HPS5: variants seen among roughly 807,000 people sequenced by gnomAD.
HPS5 encodes HPS5 biogenesis of lysosomal organelles complex 2 subunit 2, also known as BLOC-2 complex member HPS5.
Under a neutral mutation model 128.0 loss-of-function variants are expected in HPS5, and 83 were observed. The ratio of observed to expected loss-of-function variants is 0.65; its 90% CI spans 0.54 to 0.78. The LOEUF is 0.78. HPS5 is among the 30% of genes least tolerant of loss of function. HPS5 has a pLI of 0.00. For missense variants in HPS5, 1,281 were observed against 1,326.2 expected, an observed-to-expected ratio of 0.97 and a Z score of 0.53; for synonymous variants, 475 against 470.2, an observed-to-expected ratio of 1.01 and a Z score of -0.13.
At chr11:18,292,272 C>T (rs1042539943) in intron 15 of HPS5, among the ~76,000 whole-genome samples, 1 of 148,168 alleles carries the variant, frequency 6.7e-6, no homozygotes, top group Non-Finnish European at 1.5e-5. Context: ...TGCAATGGCA[C>T]AAACATAGCT....
chr11:18,303,510 A>G (rs1861973710), intron 8 of HPS5, among the ~76,000 whole-genome samples: 2 of 152,234 alleles, frequency 1.3e-5, no homozygotes, highest in African/African-American at 2.4e-5. Context: ...GGTAGGGACT[A>G]TAACAGCAGC....
chr11:18,286,942 A>G (rs1219553802), intron 18 of HPS5: 2 of 605,646 alleles, frequency 3.3e-6, no homozygotes, highest in African/African-American at 1.9e-5. Context: ...GAGAGAGAGA[A>G]AGAAAGAGAC....
At chr11:18,311,052 A>C in intron 4 of HPS5, 119 bp from the exon 5 acceptor site, 1 of 784,376 alleles carries the variant, frequency 1.3e-6, no homozygotes, top group African/African-American at 1.7e-5. Context: ...GAAAAGAGGA[A>C]GTATTATAAA....
chr11:18,302,792 C>A, intron 8 of HPS5, among the ~76,000 whole-genome samples: 1 of 116,746 alleles, frequency 8.6e-6, no homozygotes, highest in Non-Finnish European at 1.6e-5. Context: ...ATTGAGAAGG[C>A]TGCCTTCAAG....
chr11:18,296,049 T>C lies in HPS5; in HGVS notation c.1584A>G (p.Leu528=). Residue 528 remains leucine (L), a synonymous_variant, in exon 13 of 23, where the codon TTA becomes TTG. Transcript: ENST00000349215. The part of the protein sequence containing the change: ...NETFLPFGIP[L]PFRSPSPLVS... ...CAAGAGGAGATGGAGAACGAAATGG[T>C]AATGGAATGCCGAACGGGAGAAAAG... 2 of 1,613,656 alleles carry C rather than the reference T, an allele frequency of 1.2e-6. No homozygotes were observed. Among genetic ancestry groups the C allele is most frequent in the Non-Finnish European group, 1.7e-6 (2 of 1,179,536 alleles).
rs200704721 is a variant in HPS5 at position 18,296,951 on chromosome 11, G to A, written c.1357C>T (p.Arg453Cys). The change falls in exon 12 of 23, where the codon CGT becomes TGT. Residue 453 changes from arginine (R) to cysteine (C), a missense_variant. Transcript: ENST00000349215. ...CTGCCTCTTCTACTACTAATGATAC[G>A]ATAAATACCAGAGTCCAAGATGCTG... ...SFSILDSGIY[R>C]IISSRRGSQS... 691 of 1,602,390 alleles carry A rather than the reference G, an allele frequency of 4.3e-4. 7 individuals carry two copies. The South Asian group carries it at 5.9e-3, about 14-fold the overall frequency.
At chr11:18,312,615 C>T (rs1863144292) in intron 2 of HPS5, among the ~76,000 whole-genome samples, 1 of 152,174 alleles carries the variant, frequency 6.6e-6, no homozygotes, top group Non-Finnish European at 1.5e-5. Context: ...ATTCACCTTC[C>T]CAGTTCCCTA....
chr11:18,316,081 G>A (rs1454872840), intron 2 of HPS5, among the ~76,000 whole-genome samples: 1 of 152,048 alleles, frequency 6.6e-6, no homozygotes, highest in Non-Finnish European at 1.5e-5. Context: ...ATGAGCTATG[G>A]TCTCACCACT....
At chr11:18,305,702 C>T (rs955354011) in intron 7 of HPS5, among the ~76,000 whole-genome samples, 3 of 151,532 alleles carry the variant, frequency 2.0e-5, no homozygotes, top group Admixed American at 6.6e-5. Flanking sequence ...AATAAAAATC[C>T]AACTTCACTC....
chr11:18,294,990 A>AGGGCTTATG, intron 14 of HPS5, 30 bp downstream of exon 14: 1 of 1,613,052 alleles, frequency 6.2e-7, no homozygotes, highest in Non-Finnish European at 8.5e-7. Flanking sequence ...ATTCCCTAGA[A>AGGGCTTATG]TGTATAGAGA....
In HPS5 at chr11:18,282,128, C is replaced by A. The variant is rs1462294020; in HGVS notation, c.3151G>T (p.Gly1051Trp). The change falls in exon 22 of 23, where the codon GGG becomes TGG. Residue 1051 changes from glycine (G) to tryptophan (W), a missense_variant. Transcript: ENST00000349215. ...GGGGAAGGCCCATCACTGAGGCTCC[C>A]ATTTAGTGACTCCTGGGGGGCTGGC... ...TRPAPQESLN[G>W]SLSDGPSPIN... is the part of the protein sequence containing the mutation. The A allele has an allele frequency of 1.2e-6, 2 of 1,614,170 alleles. No individual in the cohort carries two copies. Among genetic ancestry groups the A allele is most frequent in the African/African-American group, 2.7e-5 (2 of 75,036 alleles).
At position 18,310,876 on chromosome 11, in the gene HPS5, T is replaced by C; in HGVS notation, c.342A>G (p.Gln114=). The part of the protein sequence containing the change: ...LNQERRGKPE[Q]MYVSSEHKGR... ...CTTTGTGTTCTGAAGACACATACAT[T>C]TGTTCCGGTTTCCCACGACGCTCTT... The change falls in exon 5 of 23, where the codon CAA becomes CAG. Residue 114 remains glutamine, a synonymous_variant. Transcript: ENST00000349215. 1 of 1,610,332 alleles carries C rather than the reference T, an allele frequency of 6.2e-7. No homozygotes were observed. Among genetic ancestry groups the C allele is most frequent in the Non-Finnish European group, 8.5e-7 (1 of 1,178,626 alleles).
At chr11:18,316,580 CAAGA>C (rs896707050) in intron 2 of HPS5, among the ~76,000 whole-genome samples, 25 of 152,220 alleles carry the variant, frequency 1.6e-4, no homozygotes, top group Non-Finnish European at 3.2e-4. Flanking sequence ...AAAAATAAAT[CAAGA>C]AAGAGCTATG....
intron 9 of HPS5, among the ~76,000 whole-genome samples, chr11:18,299,409 G>A (rs947842785): frequency 1.3e-5 from 2 of 152,140 alleles, no homozygotes; most frequent in East Asian, 1.9e-4. Flanking sequence ...TATCCTGAAA[G>A]GACTTAAAAG....
chr11:18,294,667 CTA>C (rs1860833399), intron 14 of HPS5, among the ~76,000 whole-genome samples: 1 of 152,146 alleles, frequency 6.6e-6, no homozygotes. Context: ...TTTTTATAAG[CTA>C]CACAAACAAT....
chr11:18,280,532 T>C (rs1031360917), intron 22 of HPS5: 18 of 696,008 alleles, frequency 2.6e-5, no homozygotes, highest in Non-Finnish European at 4.4e-5. Context: ...AATTCCACTT[T>C]CAGGTATATA....
At chr11:18,296,671 G>T in intron 12 of HPS5, 127 bp downstream of exon 12, 1 of 897,960 alleles carries the variant, frequency 1.1e-6, no homozygotes, top group Non-Finnish European at 1.9e-6. Context: ...TGGATGGAAA[G>T]TTCTATCAAC....
intron 15 of HPS5, 85 bp from the exon 16 acceptor site, chr11:18,292,104 C>A: frequency 1.0e-6 from 1 of 986,310 alleles, no homozygotes; most frequent in Non-Finnish European, 1.6e-6. Flanking sequence ...TTAACCTAAC[C>A]AATGTAACAT....
intron 5 of HPS5, 72 bp from the exon 6 acceptor site, chr11:18,309,151 C>A: frequency 1.4e-6 from 2 of 1,423,122 alleles, no homozygotes; most frequent in East Asian, 2.4e-5. Context: ...TCCTCTTTAC[C>A]TTGTAAATGA....
Sources: gnomAD v4.1 joint callset for allele counts (sites outside exome capture counted in the v4.1 genomes callset) on GRCh38, gnomAD v4.1.1 for gene constraint, MANE v1.5 for transcripts, NCBI Gene and HGNC (gene_info 2026-07-23, HGNC 2026-07-21) for gene names.